The following PDE4D variants were observed in gnomAD, a reference collection of about 807,000 sequenced individuals.
The protein encoded by PDE4D is 3',5'-cyclic-AMP phosphodiesterase 4D.
PDE4D carries 24 observed loss-of-function variants against 87.4 expected under a neutral mutation model. The ratio of observed to expected loss-of-function variants is 0.27; its 90% CI spans 0.20 to 0.39. The LOEUF (loss-of-function observed/expected upper bound fraction) is 0.39, where lower values mean the gene tolerates loss of function less well. PDE4D is among the 10% of genes least tolerant of loss of function. The pLI, the probability that PDE4D is intolerant of heterozygous loss-of-function variation, is 1.00. For synonymous variants in PDE4D, 384 were observed against 383.2 expected (o/e 1.00, Z -0.02); for missense variants, 714 against 1,041.0 (o/e 0.69, Z 4.32).
At chr5:60,493,559 A>T (rs1231911352) in intron 1 of PDE4D, among the ~76,000 whole-genome samples, 1 of 151,806 alleles carries the variant, frequency 6.6e-6, no homozygotes, top group Non-Finnish European at 1.5e-5. Context: ...CACCCCAGAG[A>T]AGGAGTATGG....
intron 2 of PDE4D, among the ~76,000 whole-genome samples, chr5:60,098,085 C>T (rs945632283): frequency 2.6e-5 from 4 of 151,844 alleles, no homozygotes; most frequent in South Asian, 2.1e-4. Flanking sequence ...TCACGGGTCA[C>T]GGCCAGACAC....
chr5:59,822,537 A>G (rs1355938476), intron 1 of PDE4D, among the ~76,000 whole-genome samples: 1 of 151,732 alleles, frequency 6.6e-6, no homozygotes, highest in Non-Finnish European at 1.5e-5. Flanking sequence ...TAGAGAGGGA[A>G]AGAGTAGACC....
chr5:59,199,946 A>G (rs1473964502), intron 2 of PDE4D, among the ~76,000 whole-genome samples: 1 of 151,806 alleles, frequency 6.6e-6, no homozygotes, highest in East Asian at 1.9e-4. Context: ...ATACATATAT[A>G]CATACATGTA....
Position 58,999,223 on chromosome 5 carries a change from A to G in PDE4D, c.922-5758T>C, listed in dbSNP as rs963991351. Among the ~76,000 whole-genome samples the G allele has an allele frequency of 2.1e-3, 322 of 152,348 alleles. 1 individual carries two copies. The highest frequency in any genetic ancestry group is 7.4e-3 in the African/African-American group (309 of 41,580). On this transcript the variant is annotated intron_variant, in intron 6 of 14. Transcript: ENST00000340635. ...TGCAATGAATGTATTTAATTACCAT[A>G]TATTTTTCAAGCACAATTCAAACAT...
In PDE4D at chr5:59,709,936, C is replaced by A. The variant is rs149932484; in HGVS notation, c.455+183232G>T. On this transcript the variant is annotated intron_variant, in intron 1 of 14. Coordinates refer to ENST00000340635, the MANE Select transcript of PDE4D (RefSeq NM_001104631.2). ...GGAAAATCTGGGGGAAAAGAAGTTTCCAATCAATTGCAGCAGATTTAACTG... is the reference window on the plus strand; with the variant it reads ...GGAAAATCTGGGGGAAAAGAAGTTTACAATCAATTGCAGCAGATTTAACTG... Among the ~76,000 whole-genome samples, 267 of 152,278 alleles carry A rather than the reference C, an allele frequency of 1.8e-3. 1 individual carries two copies. Among genetic ancestry groups the A allele is most frequent in the African/African-American group, 5.8e-3 (240 of 41,570 alleles).
intron 1 of PDE4D, among the ~76,000 whole-genome samples, chr5:59,656,331 AGATTACAACGTATTG>A (rs1744353252): frequency 7.2e-5 from 11 of 152,196 alleles, no homozygotes; most frequent in Admixed American, 7.2e-4. Flanking sequence ...TTGCACCACC[AGATTACAACGTATTG>A]GACCAAGTTT....
At chr5:60,518,477 T>C (rs1340971923) in intron 1 of PDE4D, among the ~76,000 whole-genome samples, 3 of 152,110 alleles carry the variant, frequency 2.0e-5, no homozygotes, top group Non-Finnish European at 4.4e-5. Context: ...TTGTAGGAAA[T>C]ATAGAAAGAG....
intron 2 of PDE4D, among the ~76,000 whole-genome samples, chr5:60,128,695 T>C (rs1010008408): frequency 5.9e-5 from 9 of 152,218 alleles, no homozygotes; most frequent in Non-Finnish European, 1.2e-4. Context: ...CAACAGTTAG[T>C]ATTAACTACT....
intron 1 of PDE4D, among the ~76,000 whole-genome samples, chr5:60,233,304 G>C (rs1460877393): frequency 6.6e-6 from 1 of 151,446 alleles, no homozygotes; most frequent in South Asian, 2.1e-4. Context: ...TATTTTTCTA[G>C]GTAGCTGAAT....
At chr5:59,708,671 T>A (rs1753785299) in intron 1 of PDE4D, among the ~76,000 whole-genome samples, 1 of 152,146 alleles carries the variant, frequency 6.6e-6, no homozygotes. Flanking sequence ...ATGTACCTTA[T>A]CCTCTTTCAA....
At chr5:59,346,274 G>A (rs1276431515) in intron 1 of PDE4D, among the ~76,000 whole-genome samples, 1 of 152,102 alleles carries the variant, frequency 6.6e-6, no homozygotes, top group African/African-American at 2.4e-5. Context: ...GGTTATATGA[G>A]TAAATATGGC....
intron 1 of PDE4D, among the ~76,000 whole-genome samples, chr5:59,244,670 GTGTGTGTGTC>G (rs879398047): frequency 0.032 from 3,571 of 112,882 alleles, 74 homozygotes; most frequent in South Asian, 0.056. Flanking sequence ...ATGTATGTAT[GTGTGTGTGTC>G]TGTGTGTGTG....
At chr5:59,505,806 A>T in intron 1 of PDE4D, among the ~76,000 whole-genome samples, 1 of 152,194 alleles carries the variant, frequency 6.6e-6, no homozygotes, top group East Asian at 1.9e-4. Context: ...CTGAATGTCT[A>T]ATAGGCCTTT....
chr5:60,265,910 C>T (rs1357440256), intron 1 of PDE4D, among the ~76,000 whole-genome samples: 1 of 152,218 alleles, frequency 6.6e-6, no homozygotes, highest in African/African-American at 2.4e-5. Flanking sequence ...ACATAAAGCC[C>T]CATTTACATT....
intron 2 of PDE4D, among the ~76,000 whole-genome samples, chr5:59,196,375 C>T (rs1376298991): frequency 6.6e-6 from 1 of 152,134 alleles, no homozygotes; most frequent in Non-Finnish European, 1.5e-5. Flanking sequence ...AAAAATAAAG[C>T]TCTAGGAAAA....
intron 1 of PDE4D, among the ~76,000 whole-genome samples, chr5:59,352,724 A>G (rs1025053678): frequency 6.6e-6 from 1 of 152,164 alleles, no homozygotes; most frequent in South Asian, 2.1e-4. Flanking sequence ...ATATTGCTTT[A>G]TCTTTTCATA....
At chr5:59,338,613 A>G (rs909170211) in intron 1 of PDE4D, among the ~76,000 whole-genome samples, 1 of 152,210 alleles carries the variant, frequency 6.6e-6, no homozygotes, top group Non-Finnish European at 1.5e-5. Flanking sequence ...TCTTTCTGTG[A>G]GGAAGGCAGA....
chr5:59,708,851 C>T (rs865795414), intron 1 of PDE4D, among the ~76,000 whole-genome samples: 3 of 151,426 alleles, frequency 2.0e-5, no homozygotes, highest in Non-Finnish European at 2.9e-5. Flanking sequence ...ACGTGAAAGT[C>T]ACCCTGAGTT....
chr5:59,595,107 A>G (rs1826482694), intron 1 of PDE4D, among the ~76,000 whole-genome samples: 1 of 152,208 alleles, frequency 6.6e-6, no homozygotes, highest in Admixed American at 6.5e-5. Context: ...AATATGTACA[A>G]TTTTTATACA....
Sources: gnomAD v4.1 joint callset for allele counts (sites outside exome capture counted in the v4.1 genomes callset) on GRCh38, gnomAD v4.1.1 for gene constraint, MANE v1.5 for transcripts, NCBI Gene and HGNC (gene_info 2026-07-23, HGNC 2026-07-21) for gene names.